ZNF544: variants seen among roughly 807,000 people sequenced by gnomAD.
ZNF544 encodes zinc finger protein 544, also known as zinc finger protein AF020591.
A neutral mutation model predicts 13.5 loss-of-function variants in ZNF544; 10 were observed. The observed-to-expected ratio is 0.74, with a 90% CI of 0.46 to 1.25. ZNF544 has a LOEUF of 1.25. ZNF544 is among the 50% of genes most tolerant of loss of function. ZNF544 has a pLI of 0.00. For synonymous variants in ZNF544, 323 were observed against 300.5 expected (o/e 1.07, Z -0.77); for missense variants, 896 against 845.6 (o/e 1.06, Z -0.74).
intron 3 of ZNF544, chr19:58,231,909 CG>C (rs2041311832): frequency 6.6e-6 from 1 of 152,042 alleles, no homozygotes; most frequent in South Asian, 2.1e-4. Context: ...GGCATGACCT[CG>C]GCTCACTGCA....
At chr19:58,239,047 C>T (rs8111222) in intron 3 of ZNF544, among the ~76,000 whole-genome samples, 54,911 of 151,784 alleles carry the variant, frequency 0.36, 10,405 homozygotes, top group Middle Eastern at 0.52. Flanking sequence ...TTCTCCTTCG[C>T]GTTCAGGAAG....
intron 4 of ZNF544, 69 bp from the exon 5 acceptor site, chr19:58,246,232 C>T (rs547088361): frequency 1.9e-6 from 3 of 1,607,168 alleles, no homozygotes; most frequent in African/African-American, 2.7e-5. Flanking sequence ...ACATTTAGGC[C>T]TTAACAGGTA....
intron 3 of ZNF544, among the ~76,000 whole-genome samples, chr19:58,243,530 C>T (rs888735241): frequency 6.6e-6 from 1 of 151,884 alleles, no homozygotes; most frequent in Non-Finnish European, 1.5e-5. Context: ...CATCCCTGTA[C>T]AACACCCCCT....
Position 58,263,000 on chromosome 19 carries a change from T to A in ZNF544, c.*246T>A. ...ACACACTGGAGGCAAACCCTATGAATGTGACCATTGCGAGAAAGCCTTTAG... is the reference window on the plus strand; with the variant it reads ...ACACACTGGAGGCAAACCCTATGAAAGTGACCATTGCGAGAAAGCCTTTAG... On this transcript the variant is annotated 3_prime_UTR_variant, in exon 7 of 7. Coordinates refer to ENST00000687789, the MANE Select transcript of ZNF544 (RefSeq NM_014480.4). 7.8e-7 allele frequency: 1 copy of A among 1,282,502 alleles called. No homozygotes were observed. The highest frequency in any genetic ancestry group is 2.2e-5 in the South Asian group (1 of 44,644). 79.4% of individuals were successfully genotyped at this position (1,282,502 alleles called of 1,614,324 possible). A position where few individuals can be genotyped will look rare whatever the true frequency, so the allele number is the denominator to read the frequency against.
intron 5 of ZNF544, 119 bp from the exon 6 acceptor site, chr19:58,246,592 C>A: frequency 1.4e-6 from 2 of 1,457,818 alleles, no homozygotes; most frequent in African/African-American, 1.4e-5. Context: ...AGGTTTGTGA[C>A]TTGTAGTCCT....
intron 6 of ZNF544, among the ~76,000 whole-genome samples, chr19:58,254,956 C>T (rs1408221080): frequency 2.0e-5 from 3 of 150,826 alleles, no homozygotes; most frequent in Non-Finnish European, 4.4e-5. Context: ...GGCGCGATCT[C>T]GGCTCACTGC....
At chr19:58,264,568 T>C (rs1408584033), downstream of ZNF544, among the ~76,000 whole-genome samples, 1 of 150,846 alleles carries the variant, frequency 6.6e-6, no homozygotes, top group Non-Finnish European at 1.5e-5. Flanking sequence ...GGCACACATG[T>C]GTAATCCAGC....
intron 3 of ZNF544, among the ~76,000 whole-genome samples, chr19:58,240,119 C>G (rs942146747): frequency 6.6e-6 from 1 of 152,118 alleles, no homozygotes; most frequent in African/African-American, 2.4e-5. Flanking sequence ...ATATAAATTA[C>G]TTTGGTTACT....
At chr19:58,232,040 C>G (rs1367750696) in intron 3 of ZNF544, among the ~76,000 whole-genome samples, 1 of 151,670 alleles carries the variant, frequency 6.6e-6, no homozygotes, top group Non-Finnish European at 1.5e-5. Flanking sequence ...CAGGGTTTCT[C>G]CATGTTGTCC....
Position 58,235,634 on chromosome 19 carries a change from CAT to C in ZNF544, c.-60+5175_-60+5176del, listed in dbSNP as rs2042218357. 1.3e-5 allele frequency among the ~76,000 whole-genome samples: 2 copies of C among 152,252 alleles called. 1 individual carries two copies. The highest frequency in any genetic ancestry group is 4.1e-4 in the South Asian group (2 of 4,828). ...CCCACCACAAAAAAGTATGTGAATG[CAT>C]ATGTTAATTACCTCAATTTAGCCAT... On this transcript the variant is annotated intron_variant, in intron 3 of 6. Coordinates refer to ENST00000687789, the MANE Select transcript of ZNF544 (RefSeq NM_014480.4).
At chr19:58,270,662 C>T (rs933833380) in intron 5 of ZNF544, among the ~76,000 whole-genome samples, 5 of 152,028 alleles carry the variant, frequency 3.3e-5, no homozygotes, top group African/African-American at 9.7e-5. Context: ...TCATAGTGGC[C>T]GTAGGGTAGG....
intron 3 of ZNF544, among the ~76,000 whole-genome samples, chr19:58,234,539 G>C (rs1179910396): frequency 6.6e-6 from 1 of 152,222 alleles, no homozygotes; most frequent in Non-Finnish European, 1.5e-5. Context: ...ATCGTTGATG[G>C]TGACACTGCT....
intron 3 of ZNF544, among the ~76,000 whole-genome samples, chr19:58,235,165 T>C (rs1240999073): frequency 6.6e-6 from 1 of 152,232 alleles, no homozygotes; most frequent in African/African-American, 2.4e-5. Context: ...CACATACAAG[T>C]TATGTGGTAC....
downstream of ZNF544, chr19:58,263,670 C>G (rs889149517): frequency 2.1e-5 from 17 of 795,184 alleles, no homozygotes; most frequent in Non-Finnish European, 2.4e-5. Context: ...TTTCTAAAAT[C>G]ACACAGGTGA....
intron 6 of ZNF544, among the ~76,000 whole-genome samples, chr19:58,247,056 C>T (rs1292966533): frequency 6.6e-6 from 1 of 152,016 alleles, no homozygotes; most frequent in Non-Finnish European, 1.5e-5. Flanking sequence ...GGCCTCTTTA[C>T]TTGATTTGTT....
At chr19:58,273,175 C>G (rs927532148) in intron 5 of ZNF544, among the ~76,000 whole-genome samples, 3 of 150,534 alleles carry the variant, frequency 2.0e-5, no homozygotes, top group African/African-American at 7.3e-5. Flanking sequence ...GAGCGAAACT[C>G]TGTCTCAAAA....
chr19:58,235,296 G>A (rs753139472), intron 3 of ZNF544, among the ~76,000 whole-genome samples: 7 of 152,102 alleles, frequency 4.6e-5, no homozygotes, highest in Admixed American at 6.6e-5. Context: ...GAAAAGGTAC[G>A]GTAAAAATAT....
downstream of ZNF544, among the ~76,000 whole-genome samples, chr19:58,268,288 T>C (rs371149): frequency 0.55 from 83,401 of 151,734 alleles, 23,321 homozygotes; most frequent in Middle Eastern, 0.67. Flanking sequence ...GCAACAAGAG[T>C]GAAACTCCGT....
At chr19:58,268,953 A>T (rs1263980181), downstream of ZNF544, among the ~76,000 whole-genome samples, 1 of 152,138 alleles carries the variant, frequency 6.6e-6, no homozygotes, top group Non-Finnish European at 1.5e-5. Flanking sequence ...ATTTTTTAAC[A>T]CTTATGATTT....
Sources: gnomAD v4.1 joint callset for allele counts (sites outside exome capture counted in the v4.1 genomes callset) on GRCh38, gnomAD v4.1.1 for gene constraint, MANE v1.5 for transcripts, NCBI Gene and HGNC (gene_info 2026-07-23, HGNC 2026-07-21) for gene names.